The following KIAA1328 variants were observed in gnomAD, a reference collection of about 807,000 sequenced individuals.
The protein encoded by KIAA1328 is KIAA1328.
In KIAA1328, 52 loss-of-function variants were observed where a neutral mutation model predicts 68.1. The observed-to-expected ratio is 0.76, with a 90% confidence interval of 0.61 to 0.96. KIAA1328 has a LOEUF of 0.96. Among genes scored for constraint, KIAA1328 ranks in the 40% least tolerant of loss-of-function variants. The pLI is 0.00. For missense variants in KIAA1328, 641 were observed against 677.6 expected (o/e 0.95, Z 0.60); for synonymous variants, 232 against 239.4 (o/e 0.97, Z 0.28).
At chr18:37,077,707 A>G (rs1424913604) in intron 7 of KIAA1328, among the ~76,000 whole-genome samples, 1 of 134,030 alleles carries the variant, frequency 7.5e-6, no homozygotes, top group Non-Finnish European at 1.5e-5. Context: ...GAGCCAAATC[A>G]TGAGTGAACT....
chr18:37,140,649 T>A (rs907984824), intron 7 of KIAA1328, among the ~76,000 whole-genome samples: 1 of 152,154 alleles, frequency 6.6e-6, no homozygotes, highest in African/African-American at 2.4e-5. Flanking sequence ...CTTAGGAACT[T>A]AAGGGTGACT....
chr18:37,108,583 A>T (rs936705477), intron 7 of KIAA1328, among the ~76,000 whole-genome samples: 1 of 152,220 alleles, frequency 6.6e-6, no homozygotes. Context: ...TATGTTATTA[A>T]ATCAACTTAC....
At chr18:37,048,953 G>A (rs1366595143) in intron 6 of KIAA1328, among the ~76,000 whole-genome samples, 1 of 152,094 alleles carries the variant, frequency 6.6e-6, no homozygotes. Context: ...AAAGAATGGT[G>A]TTATTGAAAT....
intron 7 of KIAA1328, among the ~76,000 whole-genome samples, chr18:37,072,199 C>G (rs1267969899): frequency 6.6e-6 from 1 of 151,620 alleles, no homozygotes; most frequent in Non-Finnish European, 1.5e-5. Context: ...TTAAGGTAAG[C>G]CTGCTGTAGT....
At chr18:37,113,222 T>G (rs1384973194) in intron 7 of KIAA1328, among the ~76,000 whole-genome samples, 1 of 151,828 alleles carries the variant, frequency 6.6e-6, no homozygotes, top group Non-Finnish European at 1.5e-5. Flanking sequence ...TCACCAAAGT[T>G]GAAATGAAGA....
At chr18:36,875,295 T>TACCCA (rs2048082676) in intron 4 of KIAA1328, among the ~76,000 whole-genome samples, 1 of 150,240 alleles carries the variant, frequency 6.7e-6, no homozygotes, top group Admixed American at 6.6e-5. Context: ...GATTCTATCT[T>TACCCA]TGAGCATGGA....
chr18:37,172,735 A>C (rs771895358), intron 8 of KIAA1328, among the ~76,000 whole-genome samples: 5 of 152,168 alleles, frequency 3.3e-5, no homozygotes, highest in Non-Finnish European at 7.4e-5. Context: ...AGGTTTAAAA[A>C]CAAAATCTCT....
At chr18:36,934,054 A>G (rs1465533617) in intron 5 of KIAA1328, among the ~76,000 whole-genome samples, 2 of 152,032 alleles carry the variant, frequency 1.3e-5, no homozygotes, top group Non-Finnish European at 2.9e-5. Flanking sequence ...ACCAGTTCAG[A>G]TATCTATGGG....
At chr18:36,855,269 A>G (rs1737062192) in intron 4 of KIAA1328, among the ~76,000 whole-genome samples, 1 of 152,130 alleles carries the variant, frequency 6.6e-6, no homozygotes, top group African/African-American at 2.4e-5. Flanking sequence ...TAATATTTCT[A>G]CCATCAATGT....
chr18:36,861,233 T>G (rs894200227), intron 4 of KIAA1328, among the ~76,000 whole-genome samples: 1 of 152,170 alleles, frequency 6.6e-6, no homozygotes, highest in African/African-American at 2.4e-5. Context: ...TCCTTTCATT[T>G]GTTTTTTTTC....
At chr18:37,016,087 G>A (rs1250912220) in intron 6 of KIAA1328, among the ~76,000 whole-genome samples, 1 of 152,108 alleles carries the variant, frequency 6.6e-6, no homozygotes, top group African/African-American at 2.4e-5. Flanking sequence ...GTTATCAAGG[G>A]GAATGCTTCC....
intron 6 of KIAA1328, among the ~76,000 whole-genome samples, chr18:37,034,693 A>G (rs964894793): frequency 5.3e-5 from 8 of 152,216 alleles, no homozygotes; most frequent in Non-Finnish European, 1.2e-4. Context: ...AATAATAAAG[A>G]AATATGAAAT....
At chr18:37,189,270 G>T (rs924149482) in intron 9 of KIAA1328, among the ~76,000 whole-genome samples, 1 of 152,188 alleles carries the variant, frequency 6.6e-6, no homozygotes, top group Non-Finnish European at 1.5e-5. Context: ...ATTTGAAAGA[G>T]AGAAGCAAAT....
At chr18:37,201,500 TTACC>T (rs1163245897) in intron 9 of KIAA1328, among the ~76,000 whole-genome samples, 1 of 152,180 alleles carries the variant, frequency 6.6e-6, no homozygotes, top group African/African-American at 2.4e-5. Context: ...TTCCCCTTTT[TTACC>T]AAAGAGAAGT....
intron 7 of KIAA1328, among the ~76,000 whole-genome samples, chr18:37,139,286 C>T (rs970402033): frequency 6.6e-5 from 10 of 151,978 alleles, no homozygotes; most frequent in Non-Finnish European, 1.2e-4. Flanking sequence ...TTAAACACTT[C>T]GGTCTCAAAA....
At chr18:36,997,337 G>T (rs561711683) in intron 6 of KIAA1328, among the ~76,000 whole-genome samples, 37 of 151,946 alleles carry the variant, frequency 2.4e-4, no homozygotes, top group Admixed American at 2.4e-3. Context: ...AGATTTTGTG[G>T]TTTGGTTTGT....
Position 37,067,358 on chromosome 18 carries a change from G to T in KIAA1328, c.1045G>T (p.Gly349Cys), listed in dbSNP as rs772125014. Residue 349 changes from glycine to cysteine, a missense_variant, in exon 7 of 10, where the codon GGT (glycine) becomes TGT (cysteine). Coordinates refer to ENST00000280020, the MANE Select transcript of KIAA1328 (RefSeq NM_020776.3). Reference protein sequence around the residue: ...RLSWASLVHGGGALQPIETLK... With the variant: ...RLSWASLVHGCGALQPIETLK... The stretch of plus-strand genomic sequence containing the variant: ...TTCTTGGGCATCTCTGGTGCATGGT[G>T]GTGGGGCACTGCAACCCATTGAAAC... 6.2e-7 allele frequency: 1 copy of T among 1,610,450 alleles called. No homozygotes were observed. Among genetic ancestry groups the T allele is most frequent in the Admixed American group, 1.7e-5 (1 of 59,954 alleles).
intron 5 of KIAA1328, among the ~76,000 whole-genome samples, chr18:36,951,088 CCTTTA>C (rs1220965281): frequency 6.6e-6 from 1 of 152,176 alleles, no homozygotes; most frequent in Non-Finnish European, 1.5e-5. Context: ...CTCTGCCTGT[CCTTTA>C]CTTGTTGTTA....
chr18:36,934,060 A>G (rs755546460), intron 5 of KIAA1328, among the ~76,000 whole-genome samples: 14 of 152,140 alleles, frequency 9.2e-5, no homozygotes, highest in Admixed American at 3.3e-4. Flanking sequence ...TCAGATATCT[A>G]TGGGGGGTCA....
Sources: allele counts gnomAD v4.1 joint callset (sites outside exome capture counted in the v4.1 genomes callset), GRCh38; gene constraint gnomAD v4.1.1; transcripts MANE v1.5; gene names NCBI Gene and HGNC (gene_info 2026-07-23, HGNC 2026-07-21).